Variants in UIMC1 observed in about 807,000 individuals in gnomAD.
UIMC1 encodes the protein ubiquitin interaction motif containing 1.
In UIMC1, 42 loss-of-function variants were observed where a neutral mutation model predicts 84.9. The ratio of observed to expected loss-of-function variants is 0.49; its 90% CI spans 0.39 to 0.64. The LOEUF (loss-of-function observed/expected upper bound fraction) is 0.64, where lower values mean the gene tolerates loss of function less well. Among genes scored for constraint, UIMC1 ranks in the 30% least tolerant of loss-of-function variants. The probability of loss-of-function intolerance (pLI) is 0.00; values close to 1 mark genes in which losing one functional copy is unlikely to be tolerated. For synonymous variants in UIMC1, 281 were observed against 293.0 expected, an observed-to-expected ratio of 0.96 and a Z score of 0.42; for missense variants, 825 against 847.6, an observed-to-expected ratio of 0.97 and a Z score of 0.33.
intron 2 of UIMC1, among the ~76,000 whole-genome samples, chr5:176,977,486 T>C (rs1189339797): frequency 2.8e-5 from 4 of 145,400 alleles, no homozygotes; most frequent in Non-Finnish European, 5.9e-5. Context: ...ATTCAAATCA[T>C]ATAAAGTACA....
intron 1 of UIMC1, among the ~76,000 whole-genome samples, chr5:176,998,171 G>A (rs1773905264): frequency 6.6e-6 from 1 of 152,010 alleles, no homozygotes; most frequent in African/African-American, 2.4e-5. Flanking sequence ...AAATGCTGTG[G>A]CAAATGATAG....
chr5:176,971,500 A>AT (rs2149487434), intron 3 of UIMC1, among the ~76,000 whole-genome samples: 1 of 152,368 alleles, frequency 6.6e-6, no homozygotes, highest in South Asian at 2.1e-4. Flanking sequence ...TACTAGAGTC[A>AT]TATCGAAAGA....
intron 1 of UIMC1, among the ~76,000 whole-genome samples, chr5:177,002,495 A>T (rs141369918): frequency 6.6e-6 from 1 of 152,106 alleles, no homozygotes; most frequent in South Asian, 2.1e-4. Context: ...TATCTTAATA[A>T]AAAGTTTTTA....
chr5:176,969,173 G>C lies in UIMC1; in HGVS notation c.582C>G (p.Val194=). 1 of 1,614,182 alleles carries C rather than the reference G, an allele frequency of 6.2e-7. No individual in the cohort carries two copies. The highest frequency in any genetic ancestry group is 8.5e-7 in the Non-Finnish European group (1 of 1,180,040). The part of the protein sequence containing the change: ...DHTEKTEEEP[V]SGSSGSWDQS... ...GGTCCCAGCTTCCTGAGCTGCCAGA[G>C]ACCGGCTCCTCTTCAGTTTTTTCAG... is the stretch of plus-strand genomic sequence containing the variant. The change falls in exon 6 of 15, where the codon GTC becomes GTG. Residue 194 remains valine (V), a synonymous_variant. Coordinates refer to ENST00000511320, the MANE Select transcript of UIMC1 (RefSeq NM_001199298.2).
intron 9 of UIMC1, among the ~76,000 whole-genome samples, chr5:176,948,783 T>C (rs1234894956): frequency 6.6e-6 from 1 of 152,188 alleles, no homozygotes; most frequent in Non-Finnish European, 1.5e-5. Context: ...TGTCTTCTAA[T>C]TGCAATGCTC....
At chr5:177,012,179 C>A (rs1008578152) in intron 1 of UIMC1, among the ~76,000 whole-genome samples, 1 of 152,132 alleles carries the variant, frequency 6.6e-6, no homozygotes, top group African/African-American at 2.4e-5. Context: ...ATCTCAATTG[C>A]CTACTTGACT....
intron 1 of UIMC1, among the ~76,000 whole-genome samples, chr5:176,992,874 C>T (rs1442829423): frequency 2.0e-5 from 3 of 152,052 alleles, no homozygotes; most frequent in African/African-American, 7.2e-5. Flanking sequence ...TTGCAAAAGA[C>T]TTGTATCCAG....
intron 1 of UIMC1, among the ~76,000 whole-genome samples, chr5:176,984,668 AAAAG>A (rs144665557): frequency 0.42 from 64,187 of 151,420 alleles, 13,777 homozygotes; most frequent in East Asian, 0.48. Context: ...AAATGTGGGG[AAAAG>A]AAAGAGAGAT....
intron 9 of UIMC1, among the ~76,000 whole-genome samples, chr5:176,947,690 C>A (rs1049501490): frequency 6.6e-6 from 1 of 151,640 alleles, no homozygotes; most frequent in Non-Finnish European, 1.5e-5. Flanking sequence ...TGGTGGTGGG[C>A]GCCTGTAATC....
At chr5:177,007,060 G>A (rs1316321683), upstream of UIMC1, among the ~76,000 whole-genome samples, 1 of 152,222 alleles carries the variant, frequency 6.6e-6, no homozygotes, top group Non-Finnish European at 1.5e-5. Context: ...ATACGGAAAT[G>A]CCGGGTGCGA....
chr5:176,954,723 T>C (rs1256754212), intron 8 of UIMC1, among the ~76,000 whole-genome samples: 2 of 142,680 alleles, frequency 1.4e-5, no homozygotes, highest in African/African-American at 5.3e-5. Context: ...GCCACTGCAC[T>C]CCAGCCTGGG....
chr5:176,916,928 CAATA>C (rs541257008), intron 10 of UIMC1, among the ~76,000 whole-genome samples: 55 of 152,192 alleles, frequency 3.6e-4, no homozygotes, highest in African/African-American at 1.2e-3. Context: ...GAACAATCAA[CAATA>C]AAAAACATAT....
At chr5:176,969,980 A>C (rs1490514381) in intron 4 of UIMC1, 1 of 309,040 alleles carries the variant, frequency 3.2e-6, no homozygotes, top group Non-Finnish European at 6.2e-6. Flanking sequence ...CACATTTAAA[A>C]TCATTTCAGG....
intron 9 of UIMC1, among the ~76,000 whole-genome samples, chr5:176,951,014 G>A (rs1013268544): frequency 1.3e-5 from 2 of 151,986 alleles, no homozygotes; most frequent in African/African-American, 4.8e-5. Context: ...TTATCAGACA[G>A]CTATCTTGAC....
chr5:176,999,769 T>C (rs1488472612), intron 1 of UIMC1, among the ~76,000 whole-genome samples: 3 of 152,216 alleles, frequency 2.0e-5, no homozygotes, highest in Non-Finnish European at 4.4e-5. Context: ...CTCCATTATG[T>C]ATAAGTACCA....
At chr5:177,001,886 C>T (rs1469897106) in intron 1 of UIMC1, 1 of 144,692 alleles carries the variant, frequency 6.9e-6, no homozygotes, top group Non-Finnish European at 1.5e-5. Context: ...GGAGGCGGAG[C>T]TTGCAGTGAG....
chr5:176,951,550 A>G lies in UIMC1; in HGVS notation c.1367T>C (p.Phe456Ser), dbSNP rs1488177450. 2.5e-6 allele frequency: 4 copies of G among 1,592,810 alleles called. No individual in the cohort carries two copies. The highest frequency in any genetic ancestry group is 1.7e-4 in the Middle Eastern group (1 of 6,050). ...PETQLSSSET[F>S]DLEREVSPGS... ...TGGAGAGACTTCTCTTTCAAGGTCA[A>G]AAGTTTCAGAGGAACTTAGCTGGGT... The change falls in exon 9 of 15, where the codon TTT becomes TCT. Residue 456 changes from phenylalanine to serine, a missense_variant. Physicochemically the swap from Phe to Ser is radical, Grantham distance 155 (BLOSUM62 -2). Coordinates refer to ENST00000511320, the MANE Select transcript of UIMC1 (RefSeq NM_001199298.2).
At chr5:177,009,177 T>C (rs887795361), upstream of UIMC1, among the ~76,000 whole-genome samples, 1 of 151,898 alleles carries the variant, frequency 6.6e-6, no homozygotes, top group African/African-American at 2.4e-5. The surrounding 1 kb of genome is among the most constrained non-coding windows in gnomAD (Gnocchi z 4.3). Context: ...TAGCTATTTT[T>C]TCGTTGTTTT....
intron 1 of UIMC1, among the ~76,000 whole-genome samples, chr5:176,983,379 C>G (rs1415382201): frequency 2.0e-5 from 3 of 151,852 alleles, no homozygotes; most frequent in African/African-American, 7.3e-5. Flanking sequence ...GGATTCCAGG[C>G]ACGCACCGCC....
Sources: gnomAD v4.1 joint callset for allele counts (sites outside exome capture counted in the v4.1 genomes callset) on GRCh38, gnomAD v4.1.1 for gene constraint, Gnocchi (gnomAD v3.1) non-coding constraint, MANE v1.5 for transcripts, NCBI Gene and HGNC (gene_info 2026-07-23, HGNC 2026-07-21) for gene names.